The following HEXB variants were observed in gnomAD, a reference collection of about 807,000 sequenced individuals.
HEXB encodes the protein beta-hexosaminidase subunit beta.
Under a neutral mutation model 71.2 loss-of-function variants are expected in HEXB, and 51 were observed. The ratio of observed to expected loss-of-function variants is 0.72; its 90% CI spans 0.57 to 0.90. The LOEUF (loss-of-function observed/expected upper bound fraction) is 0.90. Ranked by LOEUF, HEXB falls within the 40% of genes least tolerant of loss-of-function variation. The probability of loss-of-function intolerance (pLI) is 0.00; values close to 1 mark genes in which losing one functional copy is unlikely to be tolerated. For synonymous variants in HEXB, 266 were observed against 249.3 expected (o/e 1.07, Z -0.63); for missense variants, 617 against 677.0 (o/e 0.91, Z 0.98).
At chr5:74,681,435 A>T (rs1026236813), upstream of HEXB, among the ~76,000 whole-genome samples, 1 of 152,156 alleles carries the variant, frequency 6.6e-6, no homozygotes, top group Non-Finnish European at 1.5e-5. Context: ...GATTTAAAAT[A>T]TAACCCAAGC....
At chr5:74,666,647 T>A (rs1437370116) in intron 1 of HEXB, among the ~76,000 whole-genome samples, 4 of 152,202 alleles carry the variant, frequency 2.6e-5, no homozygotes, top group Non-Finnish European at 2.9e-5. Flanking sequence ...CTTGGGGCAT[T>A]AGCAGAGCTG....
chr5:74,685,266 G>A lies in HEXB; in HGVS notation c.6G>A (p.Glu2=), dbSNP rs747009910. The part of the protein sequence containing the change: M[E]LCGLGLPRPP... ...CGGAAAGCAGCCGAGCGGCCATGGA[G>A]CTGTGCGGGCTGGGGCTGCCCCGGC... Residue 2 remains glutamate (E), a synonymous_variant, in exon 1 of 14, where the codon GAG becomes GAA. Coordinates refer to ENST00000261416, the MANE Select transcript of HEXB (RefSeq NM_000521.4). 1.3e-6 allele frequency: 2 copies of A among 1,531,870 alleles called. No individual in the cohort carries two copies. Among genetic ancestry groups the A allele is most frequent in the South Asian group, 2.4e-5 (2 of 83,384 alleles). 94.9% of individuals were successfully genotyped at this position (1,531,870 alleles called of 1,614,324 possible).
At chr5:74,656,062 C>T (rs1401514080) in intron 1 of HEXB, among the ~76,000 whole-genome samples, 1 of 152,086 alleles carries the variant, frequency 6.6e-6, no homozygotes, top group Non-Finnish European at 1.5e-5. Flanking sequence ...AAAATGAATC[C>T]TGAATAAAGC....
At chr5:74,647,941 TTG>T (rs1292239546) in intron 1 of HEXB, among the ~76,000 whole-genome samples, 1 of 152,234 alleles carries the variant, frequency 6.6e-6, no homozygotes, top group Non-Finnish European at 1.5e-5. Flanking sequence ...GTGTCTAGGC[TTG>T]GCCTGCCATC....
intron 1 of HEXB, among the ~76,000 whole-genome samples, chr5:74,643,855 A>C (rs1747952562): frequency 6.6e-6 from 1 of 152,164 alleles, no homozygotes; most frequent in East Asian, 1.9e-4. Context: ...AGCCCCACCC[A>C]AATTCAGACA....
chr5:74,683,941 C>T (rs1748789360), upstream of HEXB, among the ~76,000 whole-genome samples: 1 of 151,662 alleles, frequency 6.6e-6, no homozygotes, highest in Admixed American at 6.6e-5. Context: ...CTGCCTCAGG[C>T]TCCTGAGTAG....
chr5:74,720,798 T>C, intron 13 of HEXB, 51 bp downstream of exon 13: 2 of 1,375,828 alleles, frequency 1.5e-6, no homozygotes, highest in Non-Finnish European at 1.0e-6. Context: ...TATTCAGTGT[T>C]AGTTTCTTTT....
chr5:74,657,561 G>A (rs892174212), intron 1 of HEXB, among the ~76,000 whole-genome samples: 1 of 152,184 alleles, frequency 6.6e-6, no homozygotes, highest in Non-Finnish European at 1.5e-5. Context: ...AAGGAAGCAA[G>A]CTCCACATGG....
intron 2 of HEXB, 107 bp from the exon 3 acceptor site, chr5:74,693,532 G>A (rs1401267458): frequency 2.4e-6 from 2 of 840,548 alleles, no homozygotes; most frequent in Admixed American, 1.8e-5. Context: ...TCATGTGCTT[G>A]GGAGAAAATA....
chr5:74,689,113 C>T (rs1748937639), intron 1 of HEXB, among the ~76,000 whole-genome samples: 1 of 152,118 alleles, frequency 6.6e-6, no homozygotes, highest in Non-Finnish European at 1.5e-5. Context: ...GCCTGAATCC[C>T]ATTCTAATAG....
chr5:74,689,760 T>C (rs1450975445), intron 2 of HEXB: 1 of 415,090 alleles, frequency 2.4e-6, no homozygotes, highest in African/African-American at 2.0e-5. Flanking sequence ...GTAAAACATG[T>C]AAACATTTTA....
At chr5:74,677,210 A>C (rs549301857) in intron 1 of HEXB, among the ~76,000 whole-genome samples, 1 of 152,232 alleles carries the variant, frequency 6.6e-6, no homozygotes, top group South Asian at 2.1e-4. Flanking sequence ...CAAATTCCAG[A>C]AACATGAAGA....
At chr5:74,718,229 A>C (rs1749723248) in intron 9 of HEXB, 62 bp from the exon 10 acceptor site, 1 of 1,093,926 alleles carries the variant, frequency 9.1e-7, no homozygotes, top group South Asian at 1.3e-5. Flanking sequence ...GAAAATGTAC[A>C]TGTTTTAAAT....
chr5:74,710,038 A>G (rs866498319), intron 6 of HEXB, among the ~76,000 whole-genome samples: 2,022 of 152,240 alleles, frequency 0.013, 45 homozygotes, highest in African/African-American at 0.046. Context: ...AAAATCCTCA[A>G]TAAAATACTG....
At chr5:74,656,692 C>T (rs1748227039) in intron 1 of HEXB, among the ~76,000 whole-genome samples, 1 of 152,082 alleles carries the variant, frequency 6.6e-6, no homozygotes, top group Non-Finnish European at 1.5e-5. Context: ...GCAACTTCCA[C>T]CTCCTGGGTT....
Position 74,697,085 on chromosome 5 carries a change from T to G in HEXB, c.648T>G (p.Val216=). The G allele has an allele frequency of 6.6e-7, 1 of 1,509,998 alleles. No homozygotes were observed. Among genetic ancestry groups the G allele is most frequent in the Non-Finnish European group, 9.2e-7 (1 of 1,085,720 alleles). The allele number at this position is 1,509,998 out of a possible 1,614,324, so 93.5% of individuals were successfully genotyped here. The change falls in exon 5 of 14, where the codon GTT becomes GTG. Residue 216 remains valine, a synonymous_variant. Coordinates refer to ENST00000261416, the MANE Select transcript of HEXB (RefSeq NM_000521.4). ...ATACATCCAGACATTATCTGCCAGT[T>G]AAGATTATTCTTAAAACTCTGGTAA... The part of the protein sequence containing the change: ...LIDTSRHYLP[V]KIILKTLDAM...
rs188955047 is a variant in HEXB at position 74,646,571 on chromosome 5, T to G, written c.-377+6013T>G. On this transcript the variant is annotated intron_variant, in intron 1 of 13. Coordinates refer to the HEXB transcript ENST00000511181. ...TGACAATGAACAAACAATTCATTCTTTTTTTTTTTTTTTTGAGACAGAGTC... is the reference window on the plus strand; with the variant it reads ...TGACAATGAACAAACAATTCATTCTGTTTTTTTTTTTTTTGAGACAGAGTC... 4.8e-5 allele frequency among the ~76,000 whole-genome samples: 7 copies of G among 146,328 alleles called. No individual in the cohort carries two copies. In the East Asian group the frequency reaches 1.4e-3, roughly 29 times the overall value.
chr5:74,654,531 A>G (rs1561202219), intron 1 of HEXB, among the ~76,000 whole-genome samples: 1 of 152,190 alleles, frequency 6.6e-6, no homozygotes, highest in African/African-American at 2.4e-5. Flanking sequence ...AGAGGGTCCA[A>G]TATATAAATA....
chr5:74,668,517 T>C (rs942903881), intron 1 of HEXB, among the ~76,000 whole-genome samples: 1 of 152,168 alleles, frequency 6.6e-6, no homozygotes, highest in African/African-American at 2.4e-5. Flanking sequence ...GACTTCCTAG[T>C]AGTGCCTCTC....
Sources: gnomAD v4.1 joint callset for allele counts (sites outside exome capture counted in the v4.1 genomes callset) on GRCh38, gnomAD v4.1.1 for gene constraint, MANE v1.5 for transcripts, NCBI Gene and HGNC (gene_info 2026-07-23, HGNC 2026-07-21) for gene names.